The following SMAD6 variants were observed in gnomAD, a reference collection of about 807,000 sequenced individuals.
SMAD6 encodes SMAD family member 6.
In SMAD6, 103 loss-of-function variants were observed where a neutral mutation model predicts 39.4. That is an observed-to-expected ratio of 2.62 (90% CI 2.23 to 3.08). SMAD6 has a LOEUF of 3.08. SMAD6 is among the 30% of genes most tolerant of loss of function. The pLI, the probability that SMAD6 is intolerant of heterozygous loss-of-function variation, is 0.00. For synonymous variants in SMAD6, 445 were observed against 353.3 expected (o/e 1.26, Z -2.91); for missense variants, 1,104 against 742.9 (o/e 1.49, Z -5.65).
intron 3 of SMAD6, among the ~76,000 whole-genome samples, chr15:66,718,703 G>C (rs1893378366): frequency 6.6e-6 from 1 of 152,178 alleles, no homozygotes; most frequent in African/African-American, 2.4e-5. Context: ...TGTGCTGTAG[G>C]GATCTGAGGT....
At position 66,703,082 on chromosome 15, in the gene SMAD6, C is replaced by T. The variant is rs956474230; in HGVS notation, c.-177C>T. ...CGGCCGTCCCGCCTCGGCGAGCTCC[C>T]TCATGTTGTCGCCCTGCGGCGCCCC... On this transcript the variant is annotated 5_prime_UTR_variant, in exon 1 of 4. Transcript: ENST00000288840. 2.3e-6 allele frequency: 1 copy of T among 443,964 alleles called. No homozygotes were observed. The highest frequency in any genetic ancestry group is 4.0e-6 in the Non-Finnish European group (1 of 252,190). The allele number at this position is 443,964 out of a possible 1,614,324, so 27.5% of individuals were successfully genotyped here. A position where few individuals can be genotyped will look rare whatever the true frequency, so the allele number is the denominator to read the frequency against.
chr15:66,738,036 G>T (rs188354805), intron 3 of SMAD6, among the ~76,000 whole-genome samples: 2 of 152,194 alleles, frequency 1.3e-5, no homozygotes, highest in South Asian at 2.1e-4. Context: ...GTTCAGTGGC[G>T]TCAAGGACAT....
intron 1 of SMAD6, among the ~76,000 whole-genome samples, chr15:66,708,552 A>G (rs1440484052): frequency 6.6e-6 from 1 of 152,262 alleles, no homozygotes; most frequent in Admixed American, 6.5e-5. Context: ...GATAAATGAA[A>G]TATGGTACGT....
At chr15:66,776,194 G>A (rs539826099) in intron 3 of SMAD6, among the ~76,000 whole-genome samples, 2 of 152,298 alleles carry the variant, frequency 1.3e-5, no homozygotes, top group East Asian at 3.9e-4. Flanking sequence ...AGTGCTTTGC[G>A]GTTTGCAAAG....
At chr15:66,722,075 G>C (rs572932335) in intron 3 of SMAD6, among the ~76,000 whole-genome samples, 1 of 152,284 alleles carries the variant, frequency 6.6e-6, no homozygotes, top group South Asian at 2.1e-4. Flanking sequence ...GATGTTGGTG[G>C]GAGAAAAGAT....
At chr15:66,704,509 T>G in intron 1 of SMAD6, 2 of 159,370 alleles carry the variant, frequency 1.3e-5, no homozygotes, top group Non-Finnish European at 2.7e-5. Flanking sequence ...TGCTTTTCTA[T>G]GTCCAAGTAG....
chr15:66,707,032 C>T (rs1567093342), intron 1 of SMAD6: 1 of 152,232 alleles, frequency 6.6e-6, no homozygotes, highest in Admixed American at 6.5e-5. Context: ...GGGGACCCAC[C>T]TCTTCTGGGC....
chr15:66,763,482 A>G (rs1470837646), intron 3 of SMAD6, among the ~76,000 whole-genome samples: 4 of 152,326 alleles, frequency 2.6e-5, no homozygotes, highest in Middle Eastern at 6.8e-3. Context: ...GAGCTGGAGC[A>G]GCCCTCGGTA....
At chr15:66,712,590 C>G (rs1264464759) in intron 2 of SMAD6, among the ~76,000 whole-genome samples, 1 of 149,686 alleles carries the variant, frequency 6.7e-6, no homozygotes, top group Non-Finnish European at 1.5e-5. Context: ...ACTCAGGAGG[C>G]TGAGGCAGGA....
intron 3 of SMAD6, among the ~76,000 whole-genome samples, chr15:66,742,829 G>A (rs1023552839): frequency 2.6e-5 from 4 of 152,052 alleles, no homozygotes; most frequent in East Asian, 1.9e-4. Context: ...TGCCCGCTGC[G>A]CTCCCTGGCC....
chr15:66,725,218 A>G (rs1357932191), intron 3 of SMAD6, among the ~76,000 whole-genome samples: 1 of 152,184 alleles, frequency 6.6e-6, no homozygotes, highest in Non-Finnish European at 1.5e-5. Context: ...CAAGGGAAGC[A>G]GAGATGCATT....
chr15:66,780,313 C>T (rs1894535002), intron 3 of SMAD6, among the ~76,000 whole-genome samples: 1 of 152,142 alleles, frequency 6.6e-6, no homozygotes, highest in Non-Finnish European at 1.5e-5. Context: ...ATAACAAGGC[C>T]ACCACAGGAA....
intron 3 of SMAD6, among the ~76,000 whole-genome samples, chr15:66,750,911 G>C (rs996119362): frequency 5.9e-5 from 9 of 152,192 alleles, no homozygotes; most frequent in African/African-American, 1.9e-4. Flanking sequence ...ACAAAAGCAG[G>C]TGTTGGCATT....
intron 3 of SMAD6, among the ~76,000 whole-genome samples, chr15:66,724,550 A>G (rs1249793718): frequency 6.6e-6 from 1 of 152,204 alleles, no homozygotes; most frequent in Non-Finnish European, 1.5e-5. Flanking sequence ...TAACTTGCCC[A>G]AGGTCACCCA....
At position 66,711,668 on chromosome 15, in the gene SMAD6, A is replaced by G. The variant is rs1228438486; in HGVS notation, c.818A>G (p.Glu273Gly). 1 of 1,613,652 alleles carries G rather than the reference A, an allele frequency of 6.2e-7. No individual in the cohort carries two copies. The highest frequency in any genetic ancestry group is 1.3e-5 in the African/African-American group (1 of 74,918). Residue 273 changes from glutamate (E) to glycine (G), a missense_variant and splice_region_variant, in exon 2 of 4, where the codon GAA (glutamate) becomes GGA (glycine). Coordinates refer to ENST00000288840, the MANE Select transcript of SMAD6 (RefSeq NM_005585.5). ...TGACATGCTGTCTCCTGTCTTCCAG[A>G]ATCTCCGCCACCTCCCTACTCTCGG... The part of the protein sequence containing the change: ...PYHFSRLCGP[E>G]SPPPPYSRLS...
At chr15:66,719,807 T>G (rs1893399908) in intron 3 of SMAD6, among the ~76,000 whole-genome samples, 1 of 152,170 alleles carries the variant, frequency 6.6e-6, no homozygotes, top group Admixed American at 6.5e-5. Flanking sequence ...GCCGAGTAGT[T>G]GTTGGAAAAC....
chr15:66,762,145 T>A (rs1894211232), intron 3 of SMAD6, among the ~76,000 whole-genome samples: 1 of 152,236 alleles, frequency 6.6e-6, no homozygotes, highest in Admixed American at 6.5e-5. Flanking sequence ...TATAGCCCAC[T>A]AAAGAACTTG....
intron 3 of SMAD6, among the ~76,000 whole-genome samples, chr15:66,769,692 TTATA>T (rs1338663842): frequency 6.6e-6 from 1 of 152,088 alleles, no homozygotes; most frequent in Non-Finnish European, 1.5e-5. Flanking sequence ...TTTTATGGCT[TTATA>T]TTAGGTCCAA....
At chr15:66,764,233 T>C (rs7173030) in intron 3 of SMAD6, among the ~76,000 whole-genome samples, 69,200 of 152,102 alleles carry the variant, frequency 0.45, 16,268 homozygotes, top group East Asian at 0.64. Flanking sequence ...GTTGTTTATA[T>C]AGTGCTAATA....
Sources: gnomAD v4.1 joint callset for allele counts (sites outside exome capture counted in the v4.1 genomes callset) on GRCh38, gnomAD v4.1.1 for gene constraint, MANE v1.5 for transcripts, NCBI Gene and HGNC (gene_info 2026-07-23, HGNC 2026-07-21) for gene names.